The following CRLF3 variants were observed in gnomAD, a reference collection of about 807,000 sequenced individuals.
CRLF3 encodes the protein cytokine receptor-like factor 3.
Under a neutral mutation model 55.0 loss-of-function variants are expected in CRLF3, and 33 were observed. The ratio of observed to expected loss-of-function variants is 0.60; its 90% CI spans 0.46 to 0.80. CRLF3 has a LOEUF of 0.80. CRLF3 is among the 30% of genes least tolerant of loss of function. The pLI is 0.00. For missense variants in CRLF3, 494 were observed against 538.4 expected (o/e 0.92, Z 0.82); for synonymous variants, 238 against 196.8 (o/e 1.21, Z -1.75).
At position 30,810,697 on chromosome 17, in the gene CRLF3, T is replaced by C. The variant is rs563282534; in HGVS notation, c.130-6589A>G. Among the ~76,000 whole-genome samples, 11 of 152,346 alleles carry C rather than the reference T, an allele frequency of 7.2e-5. No homozygotes were observed. In the South Asian group the frequency reaches 2.3e-3, roughly 32 times the overall value. ...CAAAATGCCAAAAATTCATCAAGTT[T>C]GTATTTCAATACTAAGCCACCCAAA... On this transcript the variant is annotated intron_variant, in intron 1 of 7. Coordinates refer to ENST00000324238, the MANE Select transcript of CRLF3 (RefSeq NM_015986.4).
At chr17:30,797,241 C>G in intron 3 of CRLF3, 70 bp downstream of exon 3, 1 of 1,059,170 alleles carries the variant, frequency 9.4e-7, no homozygotes. Context: ...GAATCTTGAA[C>G]AGAGGGAGGA....
intron 6 of CRLF3, among the ~76,000 whole-genome samples, chr17:30,788,416 C>G (rs555983682): frequency 1.3e-5 from 2 of 150,908 alleles, no homozygotes; most frequent in African/African-American, 4.9e-5. Flanking sequence ...CAGGAATGTT[C>G]ACATAGGAAG....
intron 1 of CRLF3, 142 bp downstream of exon 1, chr17:30,824,381 C>T: frequency 1.2e-6 from 1 of 851,580 alleles, no homozygotes; most frequent in Non-Finnish European, 1.7e-6. Flanking sequence ...TCCCAGACTC[C>T]ATTAGGTCTC....
At chr17:30,808,735 G>C (rs1273950715) in intron 1 of CRLF3, among the ~76,000 whole-genome samples, 1 of 151,966 alleles carries the variant, frequency 6.6e-6, no homozygotes, top group Non-Finnish European at 1.5e-5. Flanking sequence ...TGGGATTACA[G>C]GCATGCGCCA....
chr17:30,784,420 C>A lies in CRLF3; in HGVS notation c.1096G>T (p.Glu366Ter). 6.2e-7 allele frequency: 1 copy of A among 1,612,782 alleles called. No individual in the cohort carries two copies. Among genetic ancestry groups the A allele is most frequent in the Non-Finnish European group, 8.5e-7 (1 of 1,178,932 alleles). ...TNGAVFVNGK[E>*]MTNQLPAVTS... ...ACTGCGGGTAACTGATTTGTCATTT[C>A]TTTTCCATTGACAAAAACTGCACCT... is the stretch of plus-strand genomic sequence containing the variant. The change falls in exon 8 of 8, where the codon GAA becomes TAA. Residue 366 changes from glutamate (E) to a stop codon, truncating the protein, a stop_gained. Transcript: ENST00000324238. LOFTEE classifies it high-confidence loss of function.
At chr17:30,821,826 C>G (rs1597936250) in intron 1 of CRLF3, among the ~76,000 whole-genome samples, 1 of 152,154 alleles carries the variant, frequency 6.6e-6, no homozygotes, top group East Asian at 1.9e-4. Flanking sequence ...TTGAATTAGA[C>G]ACTGGTGATG....
chr17:30,823,237 T>C (rs9899268), intron 1 of CRLF3, among the ~76,000 whole-genome samples: 20,222 of 151,418 alleles, frequency 0.13, 1,439 homozygotes, highest in South Asian at 0.25. Context: ...TGGCGCAGAC[T>C]TGTAATCCCA....
intron 1 of CRLF3, among the ~76,000 whole-genome samples, chr17:30,808,380 C>T (rs796776452): frequency 6.0e-5 from 9 of 149,228 alleles, no homozygotes; most frequent in Admixed American, 1.4e-4. Context: ...CTCCACCTCC[C>T]GGGTTCAAGT....
intron 2 of CRLF3, among the ~76,000 whole-genome samples, 170 bp from the exon 3 acceptor site, chr17:30,797,568 A>C (rs1971937765): frequency 6.6e-6 from 1 of 152,204 alleles, no homozygotes; most frequent in Admixed American, 6.6e-5. Flanking sequence ...CGTGACTCTA[A>C]GATCAAATCC....
chr17:30,822,961 T>C (rs192262930), intron 1 of CRLF3, among the ~76,000 whole-genome samples: 86 of 152,314 alleles, frequency 5.6e-4, no homozygotes, highest in African/African-American at 2.0e-3. Context: ...TTGAAAGGCC[T>C]TGAAAAGTAT....
chr17:30,790,691 A>G (rs1971778083), intron 6 of CRLF3: 1 of 133,334 alleles, frequency 7.5e-6, no homozygotes, highest in African/African-American at 2.9e-5. Flanking sequence ...ATCTCTGCTC[A>G]CTGCAACCTC....
chr17:30,807,512 CTTTCCTTTTTTTTTTTT>C (rs1904445145), intron 1 of CRLF3, among the ~76,000 whole-genome samples: 1 of 65,678 alleles, frequency 1.5e-5, no homozygotes, highest in African/African-American at 5.5e-5. Flanking sequence ...AAACAATTTT[CTTTCCTTTTTTTTTTTT>C]TTTTTTTTTT....
intron 6 of CRLF3, among the ~76,000 whole-genome samples, chr17:30,787,124 C>G (rs138163626): frequency 6.6e-6 from 1 of 152,098 alleles, no homozygotes; most frequent in Non-Finnish European, 1.5e-5. Context: ...AGTGAGCCAC[C>G]GTGCCCGGCC....
chr17:30,824,469 G>C, intron 1 of CRLF3, 54 bp downstream of exon 1: 3 of 1,514,568 alleles, frequency 2.0e-6, no homozygotes, highest in South Asian at 2.4e-5. Flanking sequence ...GCCTTCGCCC[G>C]GCATCCGCGC....
intron 1 of CRLF3, among the ~76,000 whole-genome samples, chr17:30,812,714 A>ACACG (rs1334213357): frequency 6.6e-6 from 1 of 152,114 alleles, no homozygotes. Flanking sequence ...CAATGCAGTC[A>ACACG]CACGTGCACA....
chr17:30,812,125 T>A lies in CRLF3; in HGVS notation c.130-8017A>T, dbSNP rs960782369. On this transcript the variant is annotated intron_variant, in intron 1 of 7. Coordinates refer to ENST00000324238, the MANE Select transcript of CRLF3 (RefSeq NM_015986.4). ...ACTCCGTCTAAAAAAAAAATAAAAA[T>A]AAAAATAAAAATAAAGACAAAGATA... Among the ~76,000 whole-genome samples, 14 of 151,230 alleles carry A rather than the reference T, an allele frequency of 9.3e-5. 1 individual carries two copies. The highest frequency in any genetic ancestry group is 6.3e-4 in the South Asian group (3 of 4,800).
chr17:30,792,438 G>C lies in CRLF3; in HGVS notation c.959+2C>G. 2 of 1,605,872 alleles carry C rather than the reference G, an allele frequency of 1.2e-6. No individual in the cohort carries two copies. Among genetic ancestry groups the C allele is most frequent in the Non-Finnish European group, 1.7e-6 (2 of 1,173,116 alleles). On this transcript the variant is annotated splice_donor_variant, in intron 6 of 7. Coordinates refer to ENST00000324238, the MANE Select transcript of CRLF3 (RefSeq NM_015986.4). LOFTEE classifies it high-confidence loss of function. Reference sequence around the variant, plus strand: ...AGGTGAGATGTTTTAATATCTACTTGCCTGAATGTTAATGTCTGCCCACAG... The same window carrying C: ...AGGTGAGATGTTTTAATATCTACTTCCCTGAATGTTAATGTCTGCCCACAG...
chr17:30,824,209 C>A (rs1462972392), intron 1 of CRLF3, among the ~76,000 whole-genome samples: 1 of 151,796 alleles, frequency 6.6e-6, no homozygotes, highest in Non-Finnish European at 1.5e-5. Flanking sequence ...TCATCACTAC[C>A]CGCATGACCC....
chr17:30,793,759 T>C, intron 4 of CRLF3, 87 bp from the exon 5 acceptor site: 1 of 852,402 alleles, frequency 1.2e-6, no homozygotes, highest in Non-Finnish European at 1.9e-6. Context: ...GGAGCCATTT[T>C]GGACCAAGCA....
Sources: gnomAD v4.1 joint callset for allele counts (sites outside exome capture counted in the v4.1 genomes callset) on GRCh38, gnomAD v4.1.1 for gene constraint, MANE v1.5 for transcripts, NCBI Gene and HGNC (gene_info 2026-07-23, HGNC 2026-07-21) for gene names.